MYO3B: variants seen among roughly 807,000 people sequenced by gnomAD.
The protein encoded by MYO3B is myosin-IIIb.
Under a neutral mutation model 174.6 loss-of-function variants are expected in MYO3B, and 156 were observed. That is an observed-to-expected ratio of 0.89 (90% CI 0.78 to 1.02). The LOEUF (loss-of-function observed/expected upper bound fraction) is 1.02, where lower values mean the gene tolerates loss of function less well. Among genes scored for constraint, MYO3B ranks in the 50% least tolerant of loss-of-function variants. MYO3B has a pLI of 0.00. For synonymous variants in MYO3B, 563 were observed against 569.1 expected, an observed-to-expected ratio of 0.99 and a Z score of 0.15; for missense variants, 1,632 against 1,639.4, an observed-to-expected ratio of 1.00 and a Z score of 0.08.
chr2:170,391,530 A>G lies in MYO3B; in HGVS notation c.1588A>G (p.Asn530Asp). The G allele has an allele frequency of 6.7e-7, 1 of 1,494,236 alleles. No individual in the cohort carries two copies. Among genetic ancestry groups the G allele is most frequent in the Non-Finnish European group, 9.0e-7 (1 of 1,115,302 alleles). The allele number at this position is 1,494,236 out of a possible 1,614,324, so 92.6% of individuals were successfully genotyped here. A position where few individuals can be genotyped will look rare whatever the true frequency, so the allele number is the denominator to read the frequency against. ...RVIKQAAREK[N>D]FHIFYYIYAG... ...CTCTTTTTTTTTCAGGAGAGAGAAA[A>G]ATTTTCATATATTTTACTATATTTA... Residue 530 changes from asparagine to aspartate, a missense_variant, in exon 15 of 35, where the codon AAT (asparagine) becomes GAT (aspartate). Coordinates refer to ENST00000408978, the MANE Select transcript of MYO3B (RefSeq NM_138995.5).
chr2:170,260,158 A>G (rs1360822742), intron 7 of MYO3B, among the ~76,000 whole-genome samples: 1 of 152,210 alleles, frequency 6.6e-6, no homozygotes, highest in Non-Finnish European at 1.5e-5. Context: ...CAGTTTTGAG[A>G]TTTCTCAAAG....
intron 32 of MYO3B, among the ~76,000 whole-genome samples, chr2:170,650,178 G>A (rs911867991): frequency 5.9e-5 from 9 of 151,564 alleles, no homozygotes; most frequent in East Asian, 1.9e-4. Context: ...GACTACAGGC[G>A]CCCGCCACCA....
chr2:170,359,952 A>AG (rs2094148786), intron 8 of MYO3B, among the ~76,000 whole-genome samples: 1 of 146,398 alleles, frequency 6.8e-6, no homozygotes, highest in Non-Finnish European at 1.5e-5. Flanking sequence ...TTTTTGAATG[A>AG]ATCAATGAAA....
intron 25 of MYO3B, 102 bp downstream of exon 25, chr2:170,466,813 T>C (rs987472523): frequency 4.9e-6 from 6 of 1,218,510 alleles, no homozygotes; most frequent in Non-Finnish European, 6.9e-6. Context: ...CCTCCAAACA[T>C]GTAATTGGCT....
intron 7 of MYO3B, among the ~76,000 whole-genome samples, chr2:170,260,595 G>A (rs1201461191): frequency 6.6e-6 from 1 of 152,172 alleles, no homozygotes; most frequent in Non-Finnish European, 1.5e-5. Flanking sequence ...CACCTATTGG[G>A]TACTGTGCTC....
At chr2:170,602,526 G>C (rs1694578172) in intron 32 of MYO3B, among the ~76,000 whole-genome samples, 3 of 152,182 alleles carry the variant, frequency 2.0e-5, no homozygotes, top group Non-Finnish European at 4.4e-5. Flanking sequence ...GTCTTCTCAA[G>C]TGTGCTAGGG....
chr2:170,293,810 T>C (rs967489021), intron 7 of MYO3B, among the ~76,000 whole-genome samples: 3 of 152,144 alleles, frequency 2.0e-5, no homozygotes, highest in Non-Finnish European at 4.4e-5. Context: ...AGAAGCCTTT[T>C]TTTTTTATAC....
intron 25 of MYO3B, among the ~76,000 whole-genome samples, chr2:170,468,776 G>A (rs1684793781): frequency 6.6e-6 from 1 of 152,148 alleles, no homozygotes; most frequent in South Asian, 2.1e-4. Flanking sequence ...TATGGTCAGT[G>A]GATTCTGATG....
intron 9 of MYO3B, 55 bp downstream of exon 9, chr2:170,369,432 C>A: frequency 6.4e-7 from 1 of 1,560,496 alleles, no homozygotes; most frequent in South Asian, 1.2e-5. Context: ...AATGTCATGT[C>A]ATGTGTTTTG....
At chr2:170,440,826 C>G (rs531399344) in intron 22 of MYO3B, among the ~76,000 whole-genome samples, 2,125 of 107,870 alleles carry the variant, frequency 0.02, 31 homozygotes, top group Middle Eastern at 0.12. Context: ...TTTTTTGAGA[C>G]GGAGTCTCGC....
chr2:170,629,189 A>G (rs1377158025), intron 32 of MYO3B, among the ~76,000 whole-genome samples: 1 of 152,216 alleles, frequency 6.6e-6, no homozygotes, highest in Admixed American at 6.5e-5. Flanking sequence ...TTAGGATTGG[A>G]TGATTTAAAA....
intron 32 of MYO3B, among the ~76,000 whole-genome samples, chr2:170,636,810 G>A (rs866686250): frequency 1.3e-5 from 2 of 152,310 alleles, no homozygotes; most frequent in Middle Eastern, 3.4e-3. Context: ...CCAAGTCCCT[G>A]AAAGAATGTT....
At chr2:170,616,459 A>G (rs1175177809) in intron 32 of MYO3B, among the ~76,000 whole-genome samples, 1 of 152,162 alleles carries the variant, frequency 6.6e-6, no homozygotes, top group African/African-American at 2.4e-5. Context: ...CCAACCTGGC[A>G]TTGTCTTTAC....
intron 32 of MYO3B, among the ~76,000 whole-genome samples, chr2:170,544,943 A>G (rs1011297515): frequency 6.6e-5 from 10 of 152,170 alleles, no homozygotes; most frequent in Non-Finnish European, 1.3e-4. Flanking sequence ...AATTTAGGGG[A>G]AAAACAGTAT....
chr2:170,437,315 T>A (rs544776157), intron 22 of MYO3B, among the ~76,000 whole-genome samples: 16 of 152,264 alleles, frequency 1.1e-4, no homozygotes, highest in African/African-American at 3.4e-4. Context: ...CTATTGAATA[T>A]TTTAAGCTGA....
chr2:170,441,399 G>T (rs2094799804), intron 22 of MYO3B, among the ~76,000 whole-genome samples: 1 of 152,170 alleles, frequency 6.6e-6, no homozygotes, highest in African/African-American at 2.4e-5. Context: ...TATGATGTTA[G>T]TGTTACTGGA....
intron 3 of MYO3B, among the ~76,000 whole-genome samples, chr2:170,202,060 C>A (rs951658525): frequency 3.9e-5 from 6 of 152,172 alleles, no homozygotes; most frequent in African/African-American, 1.4e-4. Flanking sequence ...GAACATCCTT[C>A]CTGATGAGGA....
chr2:170,461,845 C>G (rs1042790861), intron 23 of MYO3B, among the ~76,000 whole-genome samples: 4 of 133,654 alleles, frequency 3.0e-5, no homozygotes, highest in South Asian at 4.9e-4. Context: ...TGGAGGTCGG[C>G]GGGGCCGGGG....
At position 170,407,723 on chromosome 2, in the gene MYO3B, T is replaced by C. The variant is rs574428207; in HGVS notation, c.2529T>C (p.Tyr843=). The C allele has an allele frequency of 1.4e-5, 22 of 1,613,984 alleles. No individual in the cohort carries two copies. The East Asian group carries it at 4.7e-4, about 34-fold the overall frequency. The part of the protein sequence containing the change: ...GIQHYAGKVL[Y]DASGVLEKNR... The stretch of plus-strand genomic sequence containing the variant: ...TGCTATTCATGTTACAGGTATTATA[T>C]GATGCTTCTGGGGTTCTTGAGAAAA... The change falls in exon 22 of 35, where the codon TAT becomes TAC. Residue 843 remains tyrosine, a synonymous_variant. Transcript: ENST00000408978.
Sources: allele counts gnomAD v4.1 joint callset (sites outside exome capture counted in the v4.1 genomes callset), GRCh38; gene constraint gnomAD v4.1.1; transcripts MANE v1.5; gene names NCBI Gene and HGNC (gene_info 2026-07-23, HGNC 2026-07-21).